AGPAT4: variants seen among roughly 807,000 people sequenced by gnomAD.
AGPAT4 encodes 1-acylglycerol-3-phosphate O-acyltransferase 4, also known as 1-acyl-sn-glycerol-3-phosphate acyltransferase delta.
AGPAT4 carries 15 observed loss-of-function variants against 48.0 expected under a neutral mutation model. The ratio of observed to expected loss-of-function variants is 0.31; its 90% CI spans 0.21 to 0.48. The LOEUF (loss-of-function observed/expected upper bound fraction) is 0.48, where lower values mean the gene tolerates loss of function less well. AGPAT4 is among the 20% of genes least tolerant of loss of function. The pLI, the probability that AGPAT4 is intolerant of heterozygous loss-of-function variation, is 0.99. For synonymous variants in AGPAT4, 178 were observed against 198.7 expected (o/e 0.90, Z 0.88); for missense variants, 314 against 482.5 (o/e 0.65, Z 3.27).
rs566975706 is a variant in AGPAT4 at position 161,218,695 on chromosome 6, GC to G, written c.178+13340del. Among the ~76,000 whole-genome samples the G allele has an allele frequency of 1.7e-3, 253 of 152,292 alleles. No individual in the cohort carries two copies. Among genetic ancestry groups the G allele is most frequent in the Non-Finnish European group, 2.6e-3 (175 of 68,028 alleles). On this transcript the variant is annotated intron_variant, in intron 2 of 8. Coordinates refer to ENST00000320285, the MANE Select transcript of AGPAT4 (RefSeq NM_020133.3). This position sits in a 1 kb window ranked among gnomAD's most constrained non-coding sequence, Gnocchi z 4.7. ...CAGCCACTTGGAAGCTATAAAGGGA[GC>G]CATAAGGATGCTAGAAAATAACTGC... is the stretch of plus-strand genomic sequence containing the variant.
chr6:161,183,463 T>C (rs536736444), intron 2 of AGPAT4, among the ~76,000 whole-genome samples: 5 of 150,912 alleles, frequency 3.3e-5, no homozygotes, highest in Non-Finnish European at 5.9e-5. Context: ...CTAATAAAAA[T>C]ACAAAAATTA....
intron 2 of AGPAT4, among the ~76,000 whole-genome samples, chr6:161,170,099 G>A (rs1005997218): frequency 4.6e-5 from 7 of 152,280 alleles, no homozygotes; most frequent in Admixed American, 2.0e-4. Context: ...ACTGATGCAA[G>A]TTTTAGCCCA....
chr6:161,207,446 T>A (rs1038197572), intron 2 of AGPAT4, among the ~76,000 whole-genome samples: 2 of 152,198 alleles, frequency 1.3e-5, no homozygotes, highest in Admixed American at 6.5e-5. Flanking sequence ...GAAGATGCTA[T>A]AAAGCTGGGT....
In AGPAT4 at chr6:161,233,369, G is replaced by A. The variant is rs1357741946; in HGVS notation, c.-89-1067C>T. Among the ~76,000 whole-genome samples the A allele has an allele frequency of 6.6e-6, 1 of 152,230 alleles. No homozygotes were observed. Among genetic ancestry groups the A allele is most frequent in the African/African-American group, 2.4e-5 (1 of 41,456 alleles). ...GGACTCGCTTTTCCTGGAAGCAGAA[G>A]AGCCTGGCAGACTACCCCAGGAAGA... On this transcript the variant is annotated intron_variant, in intron 1 of 8. Transcript: ENST00000320285. The surrounding 1 kb of genome is among the most constrained non-coding windows in gnomAD (Gnocchi z 5.4).
Position 161,161,743 on chromosome 6 carries a change from G to A in AGPAT4, c.348+4505C>T, listed in dbSNP as rs184443036. 2.4e-4 allele frequency: 80 copies of A among 328,052 alleles called. No individual in the cohort carries two copies. Among genetic ancestry groups the A allele is most frequent in the Middle Eastern group, 1.1e-3 (1 of 912 alleles). 20.3% of individuals were successfully genotyped at this position (328,052 alleles called of 1,614,324 possible). On this transcript the variant is annotated intron_variant, in intron 3 of 8. Transcript: ENST00000320285. This position sits in a 1 kb window ranked among gnomAD's most constrained non-coding sequence, Gnocchi z 4.6. ...AAATAATGCTGTGTTGCATGAACAC[G>A]GTCTCCTAGAGAAACCACACACAAT... is the stretch of plus-strand genomic sequence containing the variant.
chr6:161,163,659 T>C (rs1780003540), intron 3 of AGPAT4, among the ~76,000 whole-genome samples: 1 of 152,218 alleles, frequency 6.6e-6, no homozygotes, highest in African/African-American at 2.4e-5. Flanking sequence ...AGTCCTCTCC[T>C]GGCACCTGCT....
chr6:161,139,737 G>T lies in AGPAT4; in HGVS notation c.844-117C>A. On this transcript the variant is annotated intron_variant, in intron 7 of 8. Coordinates refer to ENST00000320285, the MANE Select transcript of AGPAT4 (RefSeq NM_020133.3). The surrounding 1 kb of genome is among the most constrained non-coding windows in gnomAD (Gnocchi z 9.1). ...ACACAGGTGCCACCGGGGCTCGGCA[G>T]AACTGGGGTCTGCAGCTCCTTCCAG... 1 of 868,742 alleles carries T rather than the reference G, an allele frequency of 1.2e-6. No individual in the cohort carries two copies. Among genetic ancestry groups the T allele is most frequent in the Non-Finnish European group, 1.8e-6 (1 of 567,918 alleles). The allele number at this position is 868,742 out of a possible 1,614,324, so 53.8% of individuals were successfully genotyped here. A position where few individuals can be genotyped will look rare whatever the true frequency, so the allele number is the denominator to read the frequency against.
In AGPAT4 at chr6:161,206,013, G is replaced by C. The variant is rs1249184811; in HGVS notation, c.178+26023C>G. On this transcript the variant is annotated intron_variant, in intron 2 of 8. Transcript: ENST00000320285. The surrounding 1 kb of genome is among the most constrained non-coding windows in gnomAD (Gnocchi z 4.8). ...AGCTAGGGCACACCTCGGGATCTGA[G>C]GAACGACATGGTGGTGAACTCTTTG... Among the ~76,000 whole-genome samples the C allele has an allele frequency of 6.6e-6, 1 of 152,110 alleles. No individual in the cohort carries two copies. The highest frequency in any genetic ancestry group is 1.5e-5 in the Non-Finnish European group (1 of 68,024).
chr6:161,241,802 G>A (rs1186876485), intron 1 of AGPAT4, among the ~76,000 whole-genome samples: 2 of 152,236 alleles, frequency 1.3e-5, no homozygotes, highest in East Asian at 1.9e-4. Context: ...GCACAATCTC[G>A]GCTCACTGCA....
At position 161,238,075 on chromosome 6, in the gene AGPAT4, T is replaced by A. The variant is rs1489529066; in HGVS notation, c.-89-5773A>T. Among the ~76,000 whole-genome samples the A allele has an allele frequency of 4.7e-4, 6 of 12,860 alleles. No individual in the cohort carries two copies. Among genetic ancestry groups the A allele is most frequent in the Admixed American group, 3.0e-3 (3 of 1,004 alleles). The allele number at this position is 12,860 out of a possible 152,430, so 8.4% of individuals were successfully genotyped here. A position where few individuals can be genotyped will look rare whatever the true frequency, so the allele number is the denominator to read the frequency against. On this transcript the variant is annotated intron_variant, in intron 1 of 8. Coordinates refer to ENST00000320285, the MANE Select transcript of AGPAT4 (RefSeq NM_020133.3). This position sits in a 1 kb window ranked among gnomAD's most constrained non-coding sequence, Gnocchi z 5.2. The stretch of plus-strand genomic sequence containing the variant: ...TGTTGGGGGGCTGGGGGTGGGGGGG[T>A]AATGGGGGGGTTGGGGGGCGGGAGG...
chr6:161,180,940 A>G lies in AGPAT4; in HGVS notation c.179-14523T>C, dbSNP rs570185533. Among the ~76,000 whole-genome samples, 1 of 152,286 alleles carries G rather than the reference A, an allele frequency of 6.6e-6. No homozygotes were observed. The highest frequency in any genetic ancestry group is 1.9e-4 in the East Asian group (1 of 5,184). ...GATTACTAATAGGAAAAAGAAGTAGATAGACAAAAACAAAGTGGAGTTAAG... is the reference window on the plus strand; with the variant it reads ...GATTACTAATAGGAAAAAGAAGTAGGTAGACAAAAACAAAGTGGAGTTAAG... On this transcript the variant is annotated intron_variant, in intron 2 of 8. Coordinates refer to ENST00000320285, the MANE Select transcript of AGPAT4 (RefSeq NM_020133.3). The surrounding 1 kb of genome is among the most constrained non-coding windows in gnomAD (Gnocchi z 6.4).
At position 161,130,677 on chromosome 6, in the gene AGPAT4, GT is replaced by G. The variant is rs1778872059; in HGVS notation, c.*5862del. ...GCTGATCCATCTCCCGTGAACATCTGTTGACTGTGGGCGGCCTGGGCCAGCC... is the reference window on the plus strand; with the variant it reads ...GCTGATCCATCTCCCGTGAACATCTGTGACTGTGGGCGGCCTGGGCCAGCC... On this transcript the variant is annotated 3_prime_UTR_variant, in exon 9 of 9. Coordinates refer to ENST00000320285, the MANE Select transcript of AGPAT4 (RefSeq NM_020133.3). 1 of 313,186 alleles carries G rather than the reference GT, an allele frequency of 3.2e-6. No individual in the cohort carries two copies. Among genetic ancestry groups the G allele is most frequent in the Non-Finnish European group, 6.5e-6 (1 of 152,916 alleles). The allele number at this position is 313,186 out of a possible 1,614,324, so 19.4% of individuals were successfully genotyped here.
chr6:161,156,482 C>A (rs62435526), intron 3 of AGPAT4, among the ~76,000 whole-genome samples: 3,373 of 152,338 alleles, frequency 0.022, 65 homozygotes, highest in South Asian at 0.064. Flanking sequence ...TTTAGAGCCA[C>A]TAAAACTTGT....
chr6:161,253,243 T>C (rs535982250), intron 1 of AGPAT4, among the ~76,000 whole-genome samples: 4 of 149,028 alleles, frequency 2.7e-5, no homozygotes, highest in African/African-American at 9.9e-5. Flanking sequence ...GTATATGATA[T>C]GATCCAACTT....
rs899641677 is a variant in AGPAT4, at chr6:161,233,719, C to T, written c.-89-1417G>A. Among the ~76,000 whole-genome samples, 4 of 152,312 alleles carry T rather than the reference C, an allele frequency of 2.6e-5. No homozygotes were observed. The highest frequency in any genetic ancestry group is 5.9e-5 in the Non-Finnish European group (4 of 68,024). On this transcript the variant is annotated intron_variant, in intron 1 of 8. Transcript: ENST00000320285. The surrounding 1 kb of genome is among the most constrained non-coding windows in gnomAD (Gnocchi z 5.4). ...GTAAATGTGCTGAACATGTTTAAGG[C>T]AGGCGAGGCTAAACGATGATGTTTG...
At position 161,217,004 on chromosome 6, in the gene AGPAT4, G is replaced by T. The variant is rs995178886; in HGVS notation, c.178+15032C>A. The stretch of plus-strand genomic sequence containing the variant: ...GGCTCTGATTCACCTTTGCTCACCT[G>T]CTGATGCGGTTCTCATGTTACACGT... On this transcript the variant is annotated intron_variant, in intron 2 of 8. Transcript: ENST00000320285. The surrounding 1 kb of genome is among the most constrained non-coding windows in gnomAD (Gnocchi z 4.9). Among the ~76,000 whole-genome samples, 1 of 152,184 alleles carries T rather than the reference G, an allele frequency of 6.6e-6. No homozygotes were observed. The highest frequency in any genetic ancestry group is 2.4e-5 in the African/African-American group (1 of 41,448).
chr6:161,152,084 C>A (rs1330322108), intron 5 of AGPAT4, among the ~76,000 whole-genome samples: 1 of 152,188 alleles, frequency 6.6e-6, no homozygotes, highest in East Asian at 1.9e-4. Context: ...ACTCCAGAGC[C>A]TGCTTTTCTC....
intron 5 of AGPAT4, 139 bp downstream of exon 5, chr6:161,153,207 G>C: frequency 8.2e-7 from 1 of 1,218,678 alleles, no homozygotes; most frequent in Non-Finnish European, 1.1e-6. Flanking sequence ...CACAGAGACT[G>C]GACTTGAGCA....
intron 1 of AGPAT4, among the ~76,000 whole-genome samples, chr6:161,273,030 C>A: frequency 6.6e-6 from 1 of 152,290 alleles, no homozygotes; most frequent in East Asian, 1.9e-4. Context: ...CAAACCTGGG[C>A]AGGCAATATC....
Sources: gnomAD v4.1 joint callset for allele counts (sites outside exome capture counted in the v4.1 genomes callset) on GRCh38, gnomAD v4.1.1 for gene constraint, Gnocchi (gnomAD v3.1) non-coding constraint, MANE v1.5 for transcripts, NCBI Gene and HGNC (gene_info 2026-07-23, HGNC 2026-07-21) for gene names.